Variants in BSN observed in about 807,000 individuals in gnomAD.
BSN encodes bassoon presynaptic cytomatrix protein.
A neutral mutation model predicts 264.8 loss-of-function variants in BSN; 57 were observed. The observed-to-expected ratio is 0.22, with a 90% CI of 0.17 to 0.27. The LOEUF is 0.27. Ranked by LOEUF, BSN falls within the 10% of genes least tolerant of loss-of-function variation. BSN has a pLI of 1.00. For missense variants in BSN, 4,615 were observed against 5,232.5 expected, an observed-to-expected ratio of 0.88 and a Z score of 3.64; for synonymous variants, 2,059 against 2,137.3, an observed-to-expected ratio of 0.96 and a Z score of 1.01.
Position 49,670,533 on chromosome 3 carries a change from T to G in BSN, c.*3048T>G, listed in dbSNP as rs1237928601. ...CAGGCCTCTGGTCCATGGACTGTCC[T>G]TCCTGGCCCTTGCATGGATGCAGTT... On this transcript the variant is annotated 3_prime_UTR_variant, in exon 12 of 12. Coordinates refer to ENST00000296452, the MANE Select transcript of BSN (RefSeq NM_003458.4). The G allele has an allele frequency of 2.0e-5, 3 of 152,286 alleles. No individual in the cohort carries two copies. The highest frequency in any genetic ancestry group is 4.4e-5 in the Non-Finnish European group (3 of 68,068). 9.4% of individuals were successfully genotyped at this position (152,286 alleles called of 1,614,324 possible). A position where few individuals can be genotyped will look rare whatever the true frequency, so the allele number is the denominator to read the frequency against.
intron 1 of BSN, among the ~76,000 whole-genome samples, chr3:49,556,322 A>G (rs542612646): frequency 9.2e-5 from 14 of 152,350 alleles, no homozygotes; most frequent in Admixed American, 7.2e-4. Context: ...AGCCAATCAT[A>G]TGAAATTCTG....
At chr3:49,562,181 G>A (rs1428462395) in intron 1 of BSN, among the ~76,000 whole-genome samples, 1 of 152,066 alleles carries the variant, frequency 6.6e-6, no homozygotes, top group East Asian at 1.9e-4. Flanking sequence ...ACCTCCTACT[G>A]TGTCACCTAC....
chr3:49,633,420 TAAATA>T (rs2052396673), intron 2 of BSN, among the ~76,000 whole-genome samples: 1 of 151,756 alleles, frequency 6.6e-6, no homozygotes, highest in East Asian at 1.9e-4. Context: ...GCTGTAAAAA[TAAATA>T]AATAAATGTT....
rs2052333430 is a variant in BSN, at chr3:49,625,177, T to C, written c.427T>C (p.Ser143Pro). 6.4e-7 allele frequency: 1 copy of C among 1,565,938 alleles called. No homozygotes were observed. The highest frequency in any genetic ancestry group is 1.9e-5 in the Admixed American group (1 of 52,180). Residue 143 changes from serine to proline, a missense_variant, in exon 2 of 12, where the codon TCA becomes CCA. By Grantham distance (74) the Ser-to-Pro change is moderately conservative. This residue lies in a region of BSN where 1,197 missense variants were observed against 1,348.0 expected (regional missense o/e 0.89). Coordinates refer to ENST00000296452, the MANE Select transcript of BSN (RefSeq NM_003458.4). This position sits in a 1 kb window ranked among gnomAD's most constrained non-coding sequence, Gnocchi z 4.4. ...GACACAGAGATCAGGGCGGTCCCCC[T>C]CAGTGTCACCGGACAGAGGCAGCAC... ...SRTQRSGRSPSVSPDRGSTPT... is the reference protein window; with the variant it reads ...SRTQRSGRSPPVSPDRGSTPT...
Position 49,652,123 on chromosome 3 carries a change from A to C in BSN, c.2567A>C (p.Asn856Thr). The change falls in exon 5 of 12, where the codon AAC (asparagine) becomes ACC (threonine). Residue 856 changes from asparagine to threonine, a missense_variant. This residue lies in a region of BSN where 1,197 missense variants were observed against 1,348.0 expected (regional missense o/e 0.89). Transcript: ENST00000296452. ...CTCGAGATGAGCGCCGAGGAAGACA[A>C]CCTGGAGGAGGATGACACTGCCACC... is the stretch of plus-strand genomic sequence containing the variant. Reference protein sequence around the residue: ...QILEMSAEEDNLEEDDTATSG... With the variant: ...QILEMSAEEDTLEEDDTATSG... 3.1e-6 allele frequency: 5 copies of C among 1,613,788 alleles called. No individual in the cohort carries two copies. Among genetic ancestry groups the C allele is most frequent in the Non-Finnish European group, 4.2e-6 (5 of 1,179,772 alleles).
downstream of BSN, among the ~76,000 whole-genome samples, chr3:49,672,119 CCTT>C (rs1351428754): frequency 6.7e-6 from 1 of 148,516 alleles, no homozygotes; most frequent in Non-Finnish European, 1.5e-5. Flanking sequence ...TGATGCGTGT[CCTT>C]CTTTCCTGTT....
intron 2 of BSN, among the ~76,000 whole-genome samples, chr3:49,629,374 G>C (rs2052367991): frequency 6.6e-6 from 1 of 152,246 alleles, no homozygotes; most frequent in Admixed American, 6.5e-5. Flanking sequence ...CTGACAGTTG[G>C]GGGTGGGAGG....
chr3:49,667,251 A>G (rs2052719147), intron 11 of BSN, among the ~76,000 whole-genome samples: 1 of 149,058 alleles, frequency 6.7e-6, no homozygotes, highest in South Asian at 2.2e-4. Flanking sequence ...AATTTCAGAG[A>G]TGGGCTTGGA....
rs1166776007 is a variant in BSN at position 49,664,660 on chromosome 3, G to A, written c.11740+106G>A. 3.9e-6 allele frequency: 6 copies of A among 1,540,850 alleles called. No homozygotes were observed. The African/African-American group carries it at 5.5e-5, about 14-fold the overall frequency. The stretch of plus-strand genomic sequence containing the variant: ...CACCCAGGCAGAGGCCAGCCAGAGA[G>A]CCCACCTGCTGATGCCCAGTTGTTC... On this transcript the variant is annotated intron_variant, in intron 9 of 11. Coordinates refer to ENST00000296452, the MANE Select transcript of BSN (RefSeq NM_003458.4).
intron 11 of BSN, among the ~76,000 whole-genome samples, chr3:49,665,807 G>T (rs1053902583): frequency 5.3e-5 from 8 of 152,366 alleles, no homozygotes; most frequent in African/African-American, 1.7e-4. Context: ...AGAGTGGAAG[G>T]AGTAGAGAGG....
chr3:49,625,414 CCTG>C lies in BSN; in HGVS notation c.633+34_633+36del. ...CACTTCTGCGCCGGCTCCCCACTCA[CCTG>C]CTACCTCATTACCATACCTCCCCTG... On this transcript the variant is annotated intron_variant, in intron 2 of 11. Coordinates refer to ENST00000296452, the MANE Select transcript of BSN (RefSeq NM_003458.4). The surrounding 1 kb of genome is among the most constrained non-coding windows in gnomAD (Gnocchi z 4.4). 7.0e-7 allele frequency: 1 copy of C among 1,435,640 alleles called. No individual in the cohort carries two copies. Among genetic ancestry groups the C allele is most frequent in the Non-Finnish European group, 9.1e-7 (1 of 1,096,626 alleles). 88.9% of individuals were successfully genotyped at this position (1,435,640 alleles called of 1,614,324 possible). A position where few individuals can be genotyped will look rare whatever the true frequency, so the allele number is the denominator to read the frequency against.
At chr3:49,648,989 G>A (rs2052519361) in intron 3 of BSN, among the ~76,000 whole-genome samples, 2 of 152,196 alleles carry the variant, frequency 1.3e-5, no homozygotes, top group South Asian at 4.1e-4. Flanking sequence ...GAGCAGGCCT[G>A]TCCCTCAACA....
Position 49,651,200 on chromosome 3 carries a change from G to A in BSN, c.1986+121G>A. ...ACAGGTGCCTTGGGGCCACACAGGA[G>A]GGAAGGGACACAGTAGAAGGAAAGT... On this transcript the variant is annotated intron_variant, in intron 4 of 11. Coordinates refer to ENST00000296452, the MANE Select transcript of BSN (RefSeq NM_003458.4). The surrounding 1 kb of genome is among the most constrained non-coding windows in gnomAD (Gnocchi z 5.4). 3 of 981,470 alleles carry A rather than the reference G, an allele frequency of 3.1e-6. No homozygotes were observed. The highest frequency in any genetic ancestry group is 2.6e-5 in the East Asian group (1 of 38,036). 60.8% of individuals were successfully genotyped at this position (981,470 alleles called of 1,614,324 possible).
chr3:49,627,824 A>T lies in BSN; in HGVS notation c.633+2441A>T, dbSNP rs146402071. ...TTTCTTTTTCAGTTCCTCACTTCCC[A>T]GGAGTGGCCCAATCAGAGTAGAAAA... On this transcript the variant is annotated intron_variant, in intron 2 of 11. Transcript: ENST00000296452. 1.3e-4 allele frequency among the ~76,000 whole-genome samples: 20 copies of T among 152,324 alleles called. No homozygotes were observed. In the East Asian group the frequency reaches 3.9e-3, roughly 29 times the overall value.
In BSN at chr3:49,663,666, G is replaced by A. The variant is rs746620641; in HGVS notation, c.11508G>A (p.Pro3836=). 10 of 1,602,014 alleles carry A rather than the reference G, an allele frequency of 6.2e-6. No individual in the cohort carries two copies. The highest frequency in any genetic ancestry group is 3.4e-5 in the Admixed American group (2 of 59,282). ...STATGPQPAG[P]PRAEQTNGSK... The stretch of plus-strand genomic sequence containing the variant: ...CCACAGGTCCTCAACCAGCAGGACC[G>A]GTAAGCAGAGCTCCCATGCATGGGT... Residue 3836 remains proline, a splice_region_variant and synonymous_variant, in exon 7 of 12, where the codon CCG becomes CCA. Coordinates refer to ENST00000296452, the MANE Select transcript of BSN (RefSeq NM_003458.4).
At chr3:49,659,211 C>G (rs1054933768) in intron 5 of BSN, among the ~76,000 whole-genome samples, 1 of 151,960 alleles carries the variant, frequency 6.6e-6, no homozygotes, top group African/African-American at 2.4e-5. Flanking sequence ...TTGGTGTATG[C>G]AGGCCATATA....
intron 1 of BSN, among the ~76,000 whole-genome samples, chr3:49,578,160 G>T (rs1013178502): frequency 6.6e-6 from 1 of 152,092 alleles, no homozygotes; most frequent in Non-Finnish European, 1.5e-5. Flanking sequence ...GGGGCTGTAG[G>T]CTCGGCTATC....
rs768032052 is a variant in BSN, at chr3:49,653,983, C to G, written c.4427C>G (p.Ser1476Cys). The G allele has an allele frequency of 1.9e-6, 3 of 1,613,918 alleles. No individual in the cohort carries two copies. The South Asian group carries it at 3.3e-5, about 18-fold the overall frequency. ...PSRAYSYFAS[S>C]SPPLSPSSPS... The stretch of plus-strand genomic sequence containing the variant: ...CGGGCATATTCCTACTTTGCAAGCT[C>G]CAGCCCACCTCTCTCCCCGTCTTCC... Residue 1476 changes from serine (S) to cysteine (C), a missense_variant, in exon 5 of 12, where the codon TCC (serine) becomes TGC (cysteine). Transcript: ENST00000296452. This position sits in a 1 kb window ranked among gnomAD's most constrained non-coding sequence, Gnocchi z 6.3.
Position 49,642,238 on chromosome 3 carries a change from C to A in BSN, c.634-30C>A. The A allele has an allele frequency of 6.7e-7, 1 of 1,489,262 alleles. No homozygotes were observed. The highest frequency in any genetic ancestry group is 9.0e-7 in the Non-Finnish European group (1 of 1,117,152). 92.3% of individuals were successfully genotyped at this position (1,489,262 alleles called of 1,614,324 possible). A position where few individuals can be genotyped will look rare whatever the true frequency, so the allele number is the denominator to read the frequency against. ...CCATGAGTACTGCCAATCCTGGCCA[C>A]CCTGCTGACTATTTTGCTTTTCTCC... On this transcript the variant is annotated intron_variant, in intron 2 of 11. Transcript: ENST00000296452. The surrounding 1 kb of genome is among the most constrained non-coding windows in gnomAD (Gnocchi z 7.0).
Sources: gnomAD v4.1 joint callset for allele counts (sites outside exome capture counted in the v4.1 genomes callset) on GRCh38, gnomAD v4.1.1 for gene constraint, gnomAD v4.1.1 regional missense constraint, Gnocchi (gnomAD v3.1) non-coding constraint, MANE v1.5 for transcripts, NCBI Gene and HGNC (gene_info 2026-07-23, HGNC 2026-07-21) for gene names.